GMCL1: variants seen among roughly 807,000 people sequenced by gnomAD.
GMCL1 encodes germ cell-less 1, spermatogenesis associated, also known as germ cell-less protein-like 1.
In GMCL1, 54 loss-of-function variants were observed where a neutral mutation model predicts 75.5. The ratio of observed to expected loss-of-function variants is 0.71; its 90% CI spans 0.57 to 0.90. The LOEUF is 0.90. Ranked by LOEUF, GMCL1 falls within the 40% of genes least tolerant of loss-of-function variation. GMCL1 has a pLI of 0.00. For synonymous variants in GMCL1, 210 were observed against 209.6 expected (o/e 1.00, Z -0.02); for missense variants, 537 against 622.7 (o/e 0.86, Z 1.47).
chr2:69,872,580 C>T (rs999635192), intron 13 of GMCL1, among the ~76,000 whole-genome samples: 5 of 152,182 alleles, frequency 3.3e-5, no homozygotes, highest in South Asian at 2.1e-4. Flanking sequence ...CAAGTAACCC[C>T]GGAAGTGATC....
intron 9 of GMCL1, among the ~76,000 whole-genome samples, chr2:69,859,716 A>G (rs1353231647): frequency 7.4e-6 from 1 of 134,568 alleles, no homozygotes; most frequent in Non-Finnish European, 1.5e-5. Context: ...CCTGGGCCAC[A>G]GAGTGAGACC....
rs866036217 is a variant in GMCL1 at position 69,847,534 on chromosome 2, C to T, written c.759-9C>T. 8 of 1,550,230 alleles carry T rather than the reference C, an allele frequency of 5.2e-6. No individual in the cohort carries two copies. The highest frequency in any genetic ancestry group is 7.1e-6 in the Non-Finnish European group (8 of 1,122,340). On this transcript the variant is annotated splice_polypyrimidine_tract_variant and intron_variant, in intron 6 of 13. Transcript: ENST00000282570. The stretch of plus-strand genomic sequence containing the variant: ...AGATAAGCTCACTCCCTCTATTTAT[C>T]CTTTTCAGTATAAATGTCATGAAAC...
intron 1 of GMCL1, among the ~76,000 whole-genome samples, chr2:69,833,271 C>G (rs549634132): frequency 1.4e-4 from 21 of 152,216 alleles, no homozygotes; most frequent in African/African-American, 5.1e-4. Context: ...CTGTATATTA[C>G]TGGAAGATGC....
chr2:69,868,923 G>A (rs1675898204), intron 11 of GMCL1, among the ~76,000 whole-genome samples: 1 of 150,388 alleles, frequency 6.6e-6, no homozygotes, highest in African/African-American at 2.4e-5. Flanking sequence ...AGACCAGCCT[G>A]GCCAACATAG....
chr2:69,840,409 CAA>C (rs1209858265), intron 3 of GMCL1, among the ~76,000 whole-genome samples: 9 of 124,860 alleles, frequency 7.2e-5, no homozygotes, highest in Admixed American at 8.2e-5. Flanking sequence ...GACTCCATCT[CAA>C]AAAAAAAAAA....
At chr2:69,848,359 G>T (rs1055153816) in intron 7 of GMCL1, among the ~76,000 whole-genome samples, 5 of 152,164 alleles carry the variant, frequency 3.3e-5, no homozygotes, top group Non-Finnish European at 5.9e-5. Flanking sequence ...GTGAAATTTT[G>T]TTACTGTTTT....
chr2:69,858,647 A>G (rs1248817016), intron 9 of GMCL1, among the ~76,000 whole-genome samples: 1 of 151,908 alleles, frequency 6.6e-6, no homozygotes, highest in African/African-American at 2.4e-5. Flanking sequence ...CTTGTGTTAC[A>G]TTGACTTATT....
chr2:69,858,443 T>C (rs1468570248), intron 9 of GMCL1, among the ~76,000 whole-genome samples: 1 of 152,226 alleles, frequency 6.6e-6, no homozygotes, highest in Non-Finnish European at 1.5e-5. Flanking sequence ...TCAGAATCTT[T>C]CCAGCTAACA....
In GMCL1 at chr2:69,837,610, T is replaced by C. The variant is rs1290770134; in HGVS notation, c.324T>C (p.Ser108=). 6.2e-7 allele frequency: 1 copy of C among 1,606,446 alleles called. No homozygotes were observed. Among genetic ancestry groups the C allele is most frequent in the Middle Eastern group, 1.7e-4 (1 of 5,988 alleles). ...CATTATTTTTGAATGGTGAAAACAG[T>C]GACATTAAGATTTGTGCTCTAGGAG... is the stretch of plus-strand genomic sequence containing the variant. ...YQTLFLNGEN[S]DIKICALGEE... The change falls in exon 2 of 14, where the codon AGT becomes AGC. Residue 108 remains serine (S), a synonymous_variant. Transcript: ENST00000282570.
chr2:69,840,609 A>G (rs1490162710), intron 3 of GMCL1, among the ~76,000 whole-genome samples: 2 of 152,168 alleles, frequency 1.3e-5, no homozygotes, highest in Admixed American at 6.5e-5. Context: ...GAGTCTGCGT[A>G]TTTGTACTTA....
chr2:69,837,670 A>C lies in GMCL1; in HGVS notation c.384A>C (p.Gln128His), dbSNP rs201250715. 5.0e-6 allele frequency: 8 copies of C among 1,593,918 alleles called. No individual in the cohort carries two copies. Among genetic ancestry groups the C allele is most frequent in the Non-Finnish European group, 6.8e-6 (8 of 1,174,752 alleles). ...GCTTACACAAAATATATTTATGTCA[A>C]GTAAGTATTTTTTCTATTTGAGTAA... ...EWSLHKIYLCQSGYFSSMFSG... is the reference protein window; with the variant it reads ...EWSLHKIYLCHSGYFSSMFSG... The change falls in exon 2 of 14, where the codon CAA becomes CAC. Residue 128 changes from glutamine to histidine, a missense_variant and splice_region_variant. By Grantham distance (24) the Gln-to-His change is conservative (BLOSUM62 0). Transcript: ENST00000282570.
intron 12 of GMCL1, among the ~76,000 whole-genome samples, chr2:69,871,003 A>G (rs536300798): frequency 6.6e-6 from 1 of 152,218 alleles, no homozygotes; most frequent in South Asian, 2.1e-4. Flanking sequence ...TTACCATATG[A>G]TCCAGCAGTT....
chr2:69,847,445 A>G (rs1050309994), intron 6 of GMCL1, 98 bp from the exon 7 acceptor site: 2 of 787,492 alleles, frequency 2.5e-6, no homozygotes, highest in African/African-American at 3.5e-5. Context: ...TTAATTCCAC[A>G]TATTTTTTTA....
chr2:69,864,845 T>A lies in GMCL1; in HGVS notation c.1143-55T>A, dbSNP rs1368726512. 9 of 1,172,334 alleles carry A rather than the reference T, an allele frequency of 7.7e-6. No homozygotes were observed. The East Asian group carries it at 2.0e-4, about 25-fold the overall frequency. The allele number at this position is 1,172,334 out of a possible 1,614,324, so 72.6% of individuals were successfully genotyped here. ...TCTGTTCTTAACTCATAGTTCTTTT[T>A]TAATTATTAGTTGCATATTTTCTAT... On this transcript the variant is annotated intron_variant, in intron 10 of 13. Transcript: ENST00000282570.
intron 11 of GMCL1, among the ~76,000 whole-genome samples, chr2:69,868,147 TC>T (rs1327927960): frequency 2.6e-5 from 4 of 152,076 alleles, no homozygotes; most frequent in African/African-American, 9.7e-5. Context: ...CACCTGCAAT[TC>T]CAGCTACTTG....
intron 13 of GMCL1, chr2:69,873,742 C>T (rs1422192691): frequency 5.9e-6 from 1 of 168,490 alleles, no homozygotes; most frequent in African/African-American, 2.4e-5. Context: ...CCACAATGAA[C>T]ACAAGTGCAT....
Position 69,879,054 on chromosome 2 carries a change from G to C in GMCL1, c.*50G>C, listed in dbSNP as rs1558555725. On this transcript the variant is annotated 3_prime_UTR_variant, in exon 14 of 14. Transcript: ENST00000282570. ...AGAAAACTGAAGATTTCATCAGTTG[G>C]AAACAGTAGCACTTTGAAAACTTTT... 5 of 1,210,510 alleles carry C rather than the reference G, an allele frequency of 4.1e-6. No homozygotes were observed. The highest frequency in any genetic ancestry group is 6.1e-6 in the Non-Finnish European group (5 of 823,520). The allele number at this position is 1,210,510 out of a possible 1,614,324, so 75.0% of individuals were successfully genotyped here. A position where few individuals can be genotyped will look rare whatever the true frequency, so the allele number is the denominator to read the frequency against.
At chr2:69,856,193 C>T (rs542584367) in intron 9 of GMCL1, among the ~76,000 whole-genome samples, 4 of 152,258 alleles carry the variant, frequency 2.6e-5, no homozygotes, top group African/African-American at 9.6e-5. Context: ...CTGATATATG[C>T]TCTCAGTAGG....
intron 13 of GMCL1, among the ~76,000 whole-genome samples, chr2:69,872,225 A>G (rs971235212): frequency 6.6e-6 from 1 of 152,184 alleles, no homozygotes; most frequent in Non-Finnish European, 1.5e-5. Context: ...GTATGTCTCC[A>G]TAGCTCCGAA....
Sources: allele counts gnomAD v4.1 joint callset (sites outside exome capture counted in the v4.1 genomes callset), GRCh38; gene constraint gnomAD v4.1.1; transcripts MANE v1.5; gene names NCBI Gene and HGNC (gene_info 2026-07-23, HGNC 2026-07-21).